Variants in DOK5 observed in about 807,000 individuals in gnomAD.
DOK5 encodes docking protein 5.
DOK5 carries 27 observed loss-of-function variants against 43.3 expected under a neutral mutation model. The ratio of observed to expected loss-of-function variants is 0.62; its 90% CI spans 0.46 to 0.86. The LOEUF is 0.86. Ranked by LOEUF, DOK5 falls within the 40% of genes least tolerant of loss-of-function variation. DOK5 has a pLI of 0.00. For synonymous variants in DOK5, 146 were observed against 140.1 expected (o/e 1.04, Z -0.30); for missense variants, 373 against 392.9 (o/e 0.95, Z 0.43).
intron 2 of DOK5, among the ~76,000 whole-genome samples, chr20:54,585,981 G>A (rs1412424341): frequency 6.6e-6 from 1 of 152,172 alleles, no homozygotes; most frequent in Non-Finnish European, 1.5e-5. Context: ...AAAATTAGCT[G>A]AGTGTGGTGG....
Position 54,475,828 on chromosome 20 carries a change from C to A in DOK5, c.-119C>A. 1 of 1,236,886 alleles carries A rather than the reference C, an allele frequency of 8.1e-7. No homozygotes were observed. Among genetic ancestry groups the A allele is most frequent in the Non-Finnish European group, 1.2e-6 (1 of 867,442 alleles). 76.6% of individuals were successfully genotyped at this position (1,236,886 alleles called of 1,614,324 possible). The stretch of plus-strand genomic sequence containing the variant: ...AAAGCCTCGCCCAGCGCCGCCGAAG[C>A]AGCTTCACCTCTCCAACTTTCTCCC... On this transcript the variant is annotated 5_prime_UTR_variant, in exon 1 of 8. Coordinates refer to ENST00000262593, the MANE Select transcript of DOK5 (RefSeq NM_018431.5). The surrounding 1 kb of genome is among the most constrained non-coding windows in gnomAD (Gnocchi z 4.2).
chr20:54,589,187 CT>C (rs1256154466), intron 4 of DOK5, among the ~76,000 whole-genome samples: 1 of 152,080 alleles, frequency 6.6e-6, no homozygotes, highest in Non-Finnish European at 1.5e-5. Flanking sequence ...GACGTAAAGA[CT>C]TTCCTTCAAT....
intron 6 of DOK5, among the ~76,000 whole-genome samples, chr20:54,621,190 C>T (rs1361107949): frequency 6.6e-6 from 1 of 152,128 alleles, no homozygotes; most frequent in East Asian, 1.9e-4. Flanking sequence ...TGTTGGCTAC[C>T]CTTTGGGAGC....
At chr20:54,605,836 G>C (rs773811637) in intron 5 of DOK5, among the ~76,000 whole-genome samples, 3 of 152,224 alleles carry the variant, frequency 2.0e-5, no homozygotes, top group Non-Finnish European at 4.4e-5. Flanking sequence ...TTCTGGTAAA[G>C]TAATGGAAGC....
At chr20:54,586,907 G>T (rs889776686) in intron 2 of DOK5, among the ~76,000 whole-genome samples, 2 of 152,108 alleles carry the variant, frequency 1.3e-5, no homozygotes, top group African/African-American at 4.8e-5. Context: ...ACCACAGGGG[G>T]TCTTGGTGGT....
At chr20:54,494,686 T>C (rs1982320601) in intron 1 of DOK5, 2 of 152,156 alleles carry the variant, frequency 1.3e-5, no homozygotes. Flanking sequence ...TTATTTATTA[T>C]GTTGTTAAAA....
At chr20:54,644,443 G>T (rs6023454) in intron 7 of DOK5, among the ~76,000 whole-genome samples, 74,035 of 151,666 alleles carry the variant, frequency 0.49, 19,447 homozygotes, top group Middle Eastern at 0.71. Flanking sequence ...AGTGGCTCAC[G>T]CCTGTAATCC....
chr20:54,597,311 G>T (rs1986171552), intron 5 of DOK5, among the ~76,000 whole-genome samples: 1 of 152,136 alleles, frequency 6.6e-6, no homozygotes, highest in Admixed American at 6.5e-5. Context: ...AACCTGGGCA[G>T]GGGGTGTTAC....
At chr20:54,514,573 G>A (rs1983129852) in intron 1 of DOK5, among the ~76,000 whole-genome samples, 2 of 148,104 alleles carry the variant, frequency 1.4e-5, no homozygotes, top group South Asian at 2.1e-4. Flanking sequence ...AGCTTACTGA[G>A]AGAAGTTTTA....
At chr20:54,634,505 G>A (rs1214743061) in intron 6 of DOK5, among the ~76,000 whole-genome samples, 2 of 138,964 alleles carry the variant, frequency 1.4e-5, no homozygotes, top group African/African-American at 5.7e-5. Context: ...GCAGTGGTGC[G>A]ATCTCGGCTC....
At chr20:54,498,780 C>T (rs1982487989) in intron 1 of DOK5, among the ~76,000 whole-genome samples, 1 of 152,054 alleles carries the variant, frequency 6.6e-6, no homozygotes, top group South Asian at 2.1e-4. Flanking sequence ...TATTCACAAG[C>T]TAGTATTTTT....
rs2840 is a variant in DOK5, at chr20:54,651,037, G to A, written c.*558G>A. On this transcript the variant is annotated 3_prime_UTR_variant, in exon 8 of 8. Transcript: ENST00000262593. The stretch of plus-strand genomic sequence containing the variant: ...TCAAAACTATTTGTTCAAAGAACCC[G>A]TTAGTGTTGTTTACAGGGTTACAGT... 31,752 of 152,192 alleles carry A rather than the reference G, an allele frequency of 0.21. 3,540 individuals carry two copies. Among genetic ancestry groups the A allele is most frequent in the Admixed American group, 0.28 (4,301 of 15,288 alleles). 9.4% of individuals were successfully genotyped at this position (152,192 alleles called of 1,614,324 possible). A position where few individuals can be genotyped will look rare whatever the true frequency, so the allele number is the denominator to read the frequency against.
chr20:54,513,195 T>A (rs569671863), intron 1 of DOK5, among the ~76,000 whole-genome samples: 5 of 152,152 alleles, frequency 3.3e-5, no homozygotes, highest in Non-Finnish European at 7.4e-5. Flanking sequence ...TGAGCAGTCA[T>A]CTTGGAACTA....
chr20:54,590,486 T>C (rs950423958), intron 4 of DOK5, among the ~76,000 whole-genome samples: 3 of 151,968 alleles, frequency 2.0e-5, no homozygotes, highest in African/African-American at 7.3e-5. Flanking sequence ...TTACTTAATA[T>C]AGACAGTCTT....
intron 1 of DOK5, among the ~76,000 whole-genome samples, chr20:54,536,697 T>C (rs1210147454): frequency 3.9e-5 from 6 of 152,192 alleles, no homozygotes; most frequent in African/African-American, 1.4e-4. Flanking sequence ...AAGAAACTTT[T>C]AGATAAGAGC....
intron 2 of DOK5, among the ~76,000 whole-genome samples, chr20:54,570,695 A>AT (rs1432121653): frequency 6.6e-6 from 1 of 152,154 alleles, no homozygotes; most frequent in African/African-American, 2.4e-5. Flanking sequence ...AACATAGTTG[A>AT]TATCCCCACA....
chr20:54,647,351 A>G (rs916669237), intron 7 of DOK5, among the ~76,000 whole-genome samples: 3 of 152,126 alleles, frequency 2.0e-5, no homozygotes, highest in African/African-American at 7.2e-5. Context: ...CTAAAAATAC[A>G]AAAATTAGCT....
chr20:54,517,675 C>G (rs6091911), intron 1 of DOK5, among the ~76,000 whole-genome samples: 3,641 of 152,080 alleles, frequency 0.024, 141 homozygotes, highest in African/African-American at 0.083. Flanking sequence ...TATTTATGCA[C>G]CCCCCGCTCC....
At chr20:54,485,896 T>G (rs1289524378) in intron 1 of DOK5, among the ~76,000 whole-genome samples, 1 of 152,234 alleles carries the variant, frequency 6.6e-6, no homozygotes, top group African/African-American at 2.4e-5. Context: ...TTTGCATTTT[T>G]GTAAAGGGTA....
Sources: allele counts gnomAD v4.1 joint callset (sites outside exome capture counted in the v4.1 genomes callset), GRCh38; gene constraint gnomAD v4.1.1; non-coding constraint Gnocchi (gnomAD v3.1); transcripts MANE v1.5; gene names NCBI Gene and HGNC (gene_info 2026-07-23, HGNC 2026-07-21).